The following GAN variants were observed in gnomAD, a reference collection of about 807,000 sequenced individuals.
The protein encoded by GAN is gigaxonin.
GAN carries 48 observed loss-of-function variants against 71.3 expected under a neutral mutation model. That is an observed-to-expected ratio of 0.67 (90% CI 0.53 to 0.86). GAN has a LOEUF of 0.86. GAN is among the 40% of genes least tolerant of loss of function. GAN has a pLI of 0.00. For synonymous variants in GAN, 386 were observed against 276.8 expected, an observed-to-expected ratio of 1.39 and a Z score of -3.92; for missense variants, 928 against 770.1, an observed-to-expected ratio of 1.21 and a Z score of -2.43.
intron 1 of GAN, among the ~76,000 whole-genome samples, chr16:81,337,137 T>C (rs568755791): frequency 6.6e-6 from 1 of 152,276 alleles, no homozygotes; most frequent in South Asian, 2.1e-4. Flanking sequence ...AAAAAAGCAG[T>C]TGGAGGGCAT....
chr16:81,367,640 T>C (rs1193278087), intron 9 of GAN, among the ~76,000 whole-genome samples: 1 of 152,252 alleles, frequency 6.6e-6, no homozygotes, highest in Non-Finnish European at 1.5e-5. Context: ...ATCTTACCAA[T>C]ATAAGATTCT....
intron 1 of GAN, among the ~76,000 whole-genome samples, chr16:81,345,797 C>T (rs1910099214): frequency 6.6e-6 from 1 of 152,114 alleles, no homozygotes; most frequent in Non-Finnish European, 1.5e-5. Flanking sequence ...GCCTAGTTTC[C>T]CCCATCCTAC....
At chr16:81,364,950 C>G in intron 7 of GAN, 24 bp from the exon 8 acceptor site, 1 of 1,612,754 alleles carries the variant, frequency 6.2e-7, no homozygotes, top group Admixed American at 1.7e-5. Context: ...TTGCCTCTCC[C>G]CCACCATTGT....
At chr16:81,371,533 C>G (rs1911035611) in intron 9 of GAN, among the ~76,000 whole-genome samples, 1 of 152,194 alleles carries the variant, frequency 6.6e-6, no homozygotes, top group Non-Finnish European at 1.5e-5. Context: ...CAGCTGAAAT[C>G]TCAGTCCAGT....
At position 81,379,696 on chromosome 16, in the gene GAN, C is replaced by T. The variant is rs1904295720; in HGVS notation, c.*2100C>T. 1 of 152,204 alleles carries T rather than the reference C, an allele frequency of 6.6e-6. No homozygotes were observed. Among genetic ancestry groups the T allele is most frequent in the Non-Finnish European group, 1.5e-5 (1 of 68,034 alleles). The allele number at this position is 152,204 out of a possible 1,614,324, so 9.4% of individuals were successfully genotyped here. ...CTGTACAGAACAGTACCTTGGCATTCAGCAGCTGTAATTGGGGAACATTAA... is the reference window on the plus strand; with the variant it reads ...CTGTACAGAACAGTACCTTGGCATTTAGCAGCTGTAATTGGGGAACATTAA... On this transcript the variant is annotated 3_prime_UTR_variant, in exon 11 of 11. Transcript: ENST00000648994.
At chr16:81,368,363 C>G (rs1395910976) in intron 9 of GAN, among the ~76,000 whole-genome samples, 1 of 152,192 alleles carries the variant, frequency 6.6e-6, no homozygotes, top group African/African-American at 2.4e-5. Context: ...CTCTGGGAGA[C>G]CCAGGTGGTA....
chr16:81,320,727 A>C (rs1345566235), intron 1 of GAN, among the ~76,000 whole-genome samples: 1 of 152,170 alleles, frequency 6.6e-6, no homozygotes, highest in African/African-American at 2.4e-5. Context: ...TTAAAATAAA[A>C]TTGACATTAC....
rs772833509 is a variant in GAN, at chr16:81,354,534, C to T, written c.412C>T (p.Arg138Cys). The change falls in exon 3 of 11, where the codon CGT (arginine) becomes TGT (cysteine). Residue 138 changes from arginine (R) to cysteine (C), a missense_variant. Physicochemically the swap from Arg to Cys is radical, Grantham distance 180 (BLOSUM62 -3). Coordinates refer to ENST00000648994, the MANE Select transcript of GAN (RefSeq NM_022041.4). ...TGCTGCTGAGAACTGTATTGGTATCCGTGACTTTGCACTACATTACTGCCT... is the reference window on the plus strand; with the variant it reads ...TGCTGCTGAGAACTGTATTGGTATCTGTGACTTTGCACTACATTACTGCCT... ...CIAAENCIGI[R>C]DFALHYCLHH... The T allele has an allele frequency of 3.1e-6, 5 of 1,613,824 alleles. No individual in the cohort carries two copies. Among genetic ancestry groups the T allele is most frequent in the Non-Finnish European group, 4.2e-6 (5 of 1,179,854 alleles).
rs943975323 is a variant in GAN at position 81,341,570 on chromosome 16, A to T, written c.168-10013A>T. On this transcript the variant is annotated intron_variant, in intron 1 of 10. Coordinates refer to ENST00000648994, the MANE Select transcript of GAN (RefSeq NM_022041.4). ...GAAGGAGAAATAAAATCCTTTACAG[A>T]CAAGCAAATGCTGAGAGATTTTTGT... is the stretch of plus-strand genomic sequence containing the variant. 5.9e-5 allele frequency among the ~76,000 whole-genome samples: 9 copies of T among 152,352 alleles called. No individual in the cohort carries two copies. The South Asian group carries it at 1.9e-3, about 32-fold the overall frequency.
intron 9 of GAN, among the ~76,000 whole-genome samples, chr16:81,369,687 G>A (rs1004347580): frequency 6.6e-6 from 1 of 152,270 alleles, no homozygotes; most frequent in South Asian, 2.1e-4. Flanking sequence ...CACCTGCCGG[G>A]TTCACACCAT....
At chr16:81,364,213 C>T (rs1454147715) in intron 7 of GAN, among the ~76,000 whole-genome samples, 1 of 152,162 alleles carries the variant, frequency 6.6e-6, no homozygotes, top group Non-Finnish European at 1.5e-5. Context: ...AATGGTGCAG[C>T]AGCCACATCT....
Position 81,378,995 on chromosome 16 carries a change from A to T in GAN, c.*1399A>T, listed in dbSNP as rs949184757. ...TTTATGCAATGTCAAATTTCTAATC[A>T]ATTTAATATACAGTACTTCATTTTT... On this transcript the variant is annotated 3_prime_UTR_variant, in exon 11 of 11. Coordinates refer to ENST00000648994, the MANE Select transcript of GAN (RefSeq NM_022041.4). 5 of 152,318 alleles carry T rather than the reference A, an allele frequency of 3.3e-5. No individual in the cohort carries two copies. The highest frequency in any genetic ancestry group is 7.4e-5 in the Non-Finnish European group (5 of 68,020). 9.4% of individuals were successfully genotyped at this position (152,318 alleles called of 1,614,324 possible).
chr16:81,377,615 T>A lies in GAN; in HGVS notation c.*19T>A, dbSNP rs1276022598. 5.6e-6 allele frequency: 9 copies of A among 1,608,356 alleles called. No homozygotes were observed. Among genetic ancestry groups the A allele is most frequent in the Non-Finnish European group, 7.7e-6 (9 of 1,175,192 alleles). ...CCCTTGAGGAGGAAGCAGAGCAGAG[T>A]GCGAGATCCTGACCCAAGAGCACCA... On this transcript the variant is annotated 3_prime_UTR_variant, in exon 11 of 11. Transcript: ENST00000648994.
chr16:81,356,237 A>G (rs1910480925), intron 3 of GAN, among the ~76,000 whole-genome samples: 1 of 117,600 alleles, frequency 8.5e-6, no homozygotes, highest in African/African-American at 3.1e-5. Flanking sequence ...TTGAGCAGTA[A>G]AAGTGTAAAT....
chr16:81,354,766 T>C lies in GAN; in HGVS notation c.633+11T>C, dbSNP rs1490179324. ...ACAGAAATAAGAAAGGTACCTGTCA[T>C]TTATAACATGGTCAAATTTGCCTTT... On this transcript the variant is annotated intron_variant, in intron 3 of 10. Transcript: ENST00000648994. 7 of 1,444,568 alleles carry C rather than the reference T, an allele frequency of 4.8e-6. No homozygotes were observed. The highest frequency in any genetic ancestry group is 1.7e-5 in the Admixed American group (1 of 59,600). The allele number at this position is 1,444,568 out of a possible 1,614,324, so 89.5% of individuals were successfully genotyped here.
In GAN at chr16:81,389,159, C is replaced by T. The variant is rs114425083; in HGVS notation, c.*11563C>T. The T allele has an allele frequency of 4.6e-3, 704 of 152,242 alleles. 7 individuals are homozygous for T. Among genetic ancestry groups the T allele is most frequent in the African/African-American group, 0.016 (670 of 41,536 alleles). The allele number at this position is 152,242 out of a possible 1,614,324, so 9.4% of individuals were successfully genotyped here. On this transcript the variant is annotated 3_prime_UTR_variant, in exon 11 of 11. Coordinates refer to ENST00000648994, the MANE Select transcript of GAN (RefSeq NM_022041.4). ...AAAAATTGTGTGTTGGGAAATGTAT[C>T]AAGTGACCTTCAGTTAAGAAAAGCA...
chr16:81,343,588 C>G (rs576165208), intron 1 of GAN, among the ~76,000 whole-genome samples: 1 of 152,262 alleles, frequency 6.6e-6, no homozygotes, highest in African/African-American at 2.4e-5. Flanking sequence ...TAAAAACTCT[C>G]AATAAACTAG....
intron 1 of GAN, among the ~76,000 whole-genome samples, chr16:81,349,184 C>T (rs1282936679): frequency 2.0e-5 from 3 of 152,058 alleles, no homozygotes; most frequent in Non-Finnish European, 4.4e-5. Flanking sequence ...TATCTTTCAC[C>T]CCCTGCCCCA....
chr16:81,372,339 T>C (rs1208987320), intron 9 of GAN, among the ~76,000 whole-genome samples: 1 of 151,934 alleles, frequency 6.6e-6, no homozygotes, highest in African/African-American at 2.4e-5. Flanking sequence ...TACATTGATA[T>C]TCATTTCATC....
Sources: gnomAD v4.1 joint callset for allele counts (sites outside exome capture counted in the v4.1 genomes callset) on GRCh38, gnomAD v4.1.1 for gene constraint, MANE v1.5 for transcripts, NCBI Gene and HGNC (gene_info 2026-07-23, HGNC 2026-07-21) for gene names.